OR7G2: variants seen among roughly 807,000 people sequenced by gnomAD.
The protein encoded by OR7G2 is olfactory receptor family 7 subfamily G member 2, also known as olfactory receptor 7G2.
For missense variants in OR7G2, 362 were observed against 384.0 expected (o/e 0.94, Z 0.48); for synonymous variants, 153 against 152.2 (o/e 1.01, Z -0.04).
Position 9,102,797 on chromosome 19 carries a change from CAG to C in OR7G2, c.445_446del (p.Leu149ValfsTer3). 1 of 1,613,866 alleles carries C rather than the reference CAG, an allele frequency of 6.2e-7. No homozygotes were observed. Among genetic ancestry groups the C allele is most frequent in the Non-Finnish European group, 8.5e-7 (1 of 1,179,870 alleles). On this transcript the variant is annotated frameshift_variant, in exon 2 of 2. Transcript: ENST00000641081. LOFTEE classifies it low-confidence loss of function (END_TRUNC). ...GAAGGGCATTCACAACACTAGTCAA[CAG>C]AGAGAGAAGAATCAGCAGGCCACAG... is the stretch of plus-strand genomic sequence containing the variant. The part of the protein sequence containing the change: ...RLCGLLILLS[L>X]LTSVVNALLL...
At chr19:9,106,677 C>T (rs1318364550) in intron 1 of OR7G2, among the ~76,000 whole-genome samples, 2 of 139,688 alleles carry the variant, frequency 1.4e-5, no homozygotes, top group East Asian at 4.2e-4. Context: ...GCGGAGGTTG[C>T]AGTGAGCCGA....
chr19:9,105,157 G>C (rs59412639), intron 1 of OR7G2, among the ~76,000 whole-genome samples: 2 of 151,796 alleles, frequency 1.3e-5, no homozygotes, highest in Non-Finnish European at 2.9e-5. Context: ...TTTTAGTAGA[G>C]ACGGGTTTCA....
Position 9,102,484 on chromosome 19 carries a change from C to T in OR7G2, c.760G>A (p.Ala254Thr), listed in dbSNP as rs114401331. Residue 254 changes from alanine to threonine, a missense_variant, in exon 2 of 2, where the codon GCA becomes ACA. Transcript: ENST00000641081. Reference sequence around the variant, plus strand: ...GAACTAATGTACACCCCCAAACCTGCCCCATAGAACAAGAGAACAATGGAG... The same window carrying T: ...GAACTAATGTACACCCCCAAACCTGTCCCATAGAACAAGAGAACAATGGAG... Reference protein sequence around the residue: ...HLSIVLLFYGAGLGVYISSVV... With the variant: ...HLSIVLLFYGTGLGVYISSVV... The T allele has an allele frequency of 3.7e-6, 6 of 1,613,936 alleles. No individual in the cohort carries two copies. The African/African-American group carries it at 6.7e-5, about 18-fold the overall frequency.
In OR7G2 at chr19:9,102,273, T is replaced by C. The variant is rs147482138; in HGVS notation, c.971A>G (p.Glu324Gly). The C allele has an allele frequency of 6.3e-5, 101 of 1,590,888 alleles. No homozygotes were observed. Among genetic ancestry groups the C allele is most frequent in the Non-Finnish European group, 8.6e-5 (100 of 1,169,168 alleles). Reference protein sequence around the residue: ...CAICFGFRFLE With the variant: ...CAICFGFRFLG ...CAGGAATCCTGTCACTTTGACTTAC[T>C]CTAGAAACCTGAATCCAAAGCAAAT... The change falls in exon 2 of 2, where the codon GAG (glutamate) becomes GGG (glycine). Residue 324 changes from glutamate (E) to glycine (G), a missense_variant. Glu to Gly is a moderately conservative substitution (Grantham distance 98, BLOSUM62 -2). Coordinates refer to ENST00000641081, the MANE Select transcript of OR7G2 (RefSeq NM_001005193.2).
chr19:9,102,164 T>G lies in OR7G2; in HGVS notation c.*105A>C. 1 of 1,048,366 alleles carries G rather than the reference T, an allele frequency of 9.5e-7. No individual in the cohort carries two copies. Among genetic ancestry groups the G allele is most frequent in the Non-Finnish European group, 1.4e-6 (1 of 726,796 alleles). 64.9% of individuals were successfully genotyped at this position (1,048,366 alleles called of 1,614,324 possible). On this transcript the variant is annotated 3_prime_UTR_variant, in exon 2 of 2. Transcript: ENST00000641081. ...TTGCAGTGAGCCGAGGTCGTGCCATTGCACTCCAGCCTGGGAGACAGAGAA... is the reference window on the plus strand; with the variant it reads ...TTGCAGTGAGCCGAGGTCGTGCCATGGCACTCCAGCCTGGGAGACAGAGAA...
intron 1 of OR7G2, among the ~76,000 whole-genome samples, chr19:9,105,438 T>A (rs1258227020): frequency 1.3e-5 from 2 of 152,176 alleles, no homozygotes; most frequent in Non-Finnish European, 2.9e-5. Context: ...TGGTTCAACA[T>A]ACAGAAATCA....
intron 1 of OR7G2, among the ~76,000 whole-genome samples, chr19:9,104,092 G>C (rs1351262971): frequency 6.6e-6 from 1 of 151,812 alleles, no homozygotes; most frequent in Non-Finnish European, 1.5e-5. Flanking sequence ...TCACCATGTA[G>C]GTCAGGCTGG....
chr19:9,106,276 TG>T (rs1249490103), intron 1 of OR7G2, among the ~76,000 whole-genome samples: 1 of 151,184 alleles, frequency 6.6e-6, no homozygotes, highest in Non-Finnish European at 1.5e-5. Flanking sequence ...AAAAATTAGC[TG>T]GGTGTGGTGG....
chr19:9,103,501 C>CTTTTTTTTTTTTTTTT (rs201971532), intron 1 of OR7G2, among the ~76,000 whole-genome samples: 1 of 119,076 alleles, frequency 8.4e-6, no homozygotes. Context: ...ATGTGGAAAT[C>CTTTTTTTTTTTTTTTT]TTTTTTTTTT....
At chr19:9,106,788 G>T (rs2050388942) in intron 1 of OR7G2, among the ~76,000 whole-genome samples, 1 of 148,784 alleles carries the variant, frequency 6.7e-6, no homozygotes, top group African/African-American at 2.5e-5. Context: ...TCATGTTTTT[G>T]ATTTTTTTTC....
At chr19:9,103,354 C>T in intron 1 of OR7G2, 95 bp from the exon 2 acceptor site, 3 of 1,223,244 alleles carry the variant, frequency 2.5e-6, no homozygotes, top group Non-Finnish European at 3.5e-6. Flanking sequence ...CCTCCCCAGA[C>T]TTCTTGCTGA....
chr19:9,103,088 G>C lies in OR7G2; in HGVS notation c.156C>G (p.Asp52Glu). ...AGTACATGGGGGTGTGGAGGTGAGAGTCAGAGATGACAGCCAAGAGGATGA... is the reference window on the plus strand; with the variant it reads ...AGTACATGGGGGTGTGGAGGTGAGACTCAGAGATGACAGCCAAGAGGATGA... ...NLLILLAVIS[D>E]SHLHTPMYFF... The change falls in exon 2 of 2, where the codon GAC becomes GAG. Residue 52 changes from aspartate to glutamate, a missense_variant. Coordinates refer to ENST00000641081, the MANE Select transcript of OR7G2 (RefSeq NM_001005193.2). 6.2e-7 allele frequency: 1 copy of C among 1,614,112 alleles called. No homozygotes were observed. Among genetic ancestry groups the C allele is most frequent in the Non-Finnish European group, 8.5e-7 (1 of 1,180,002 alleles).
Position 9,102,290 on chromosome 19 carries a change from A to C in OR7G2, c.954T>G (p.Phe318Leu), listed in dbSNP as rs2050358207. Residue 318 changes from phenylalanine to leucine, a missense_variant, in exon 2 of 2, where the codon TTT becomes TTG. Transcript: ENST00000641081. Reference protein sequence around the residue: ...IPSLLWCAICFGFRFLE With the variant: ...IPSLLWCAICLGFRFLE ...TGACTTACTCTAGAAACCTGAATCC[A>C]AAGCAAATGGCACACCACAGAAGAG... 6.2e-7 allele frequency: 1 copy of C among 1,604,524 alleles called. No individual in the cohort carries two copies. The highest frequency in any genetic ancestry group is 1.3e-5 in the African/African-American group (1 of 74,536).
rs1266283952 is a variant in OR7G2 at position 9,101,419 on chromosome 19, A to G, written c.*850T>C. On this transcript the variant is annotated 3_prime_UTR_variant, in exon 2 of 2. Coordinates refer to ENST00000641081, the MANE Select transcript of OR7G2 (RefSeq NM_001005193.2). ...TCTGAGACTAATCCATTAAAAAAAA[A>G]TCACTTAGCCAGGAGCGGTGGCTCA... 6.6e-6 allele frequency: 1 copy of G among 152,174 alleles called. No homozygotes were observed. Among genetic ancestry groups the G allele is most frequent in the African/African-American group, 2.4e-5 (1 of 41,432 alleles). 9.4% of individuals were successfully genotyped at this position (152,174 alleles called of 1,614,324 possible). A position where few individuals can be genotyped will look rare whatever the true frequency, so the allele number is the denominator to read the frequency against.
intron 1 of OR7G2, among the ~76,000 whole-genome samples, chr19:9,104,837 C>T (rs1157852827): frequency 6.6e-6 from 1 of 151,914 alleles, no homozygotes; most frequent in Non-Finnish European, 1.5e-5. Flanking sequence ...AAAAAACAAA[C>T]AAACAAATTT....
chr19:9,103,264 T>G lies in OR7G2; in HGVS notation c.-16-5A>C, dbSNP rs757151046. 6.2e-7 allele frequency: 1 copy of G among 1,613,894 alleles called. No homozygotes were observed. The highest frequency in any genetic ancestry group is 2.2e-5 in the East Asian group (1 of 44,862). On this transcript the variant is annotated splice_region_variant and splice_polypyrimidine_tract_variant and intron_variant, in intron 1 of 1. Coordinates refer to ENST00000641081, the MANE Select transcript of OR7G2 (RefSeq NM_001005193.2). ...TCCATGCTGTTGATGATGAATCTGA[T>G]GGAAAAGATAATAAAATCTGTAAGC...
At chr19:9,104,356 G>A (rs1478591244) in intron 1 of OR7G2, among the ~76,000 whole-genome samples, 1 of 152,112 alleles carries the variant, frequency 6.6e-6, no homozygotes, top group African/African-American at 2.4e-5. Context: ...GTCAGAGTTA[G>A]CATGCTAAAT....
chr19:9,106,859 A>C (rs2050389261), intron 1 of OR7G2, among the ~76,000 whole-genome samples: 1 of 151,376 alleles, frequency 6.6e-6, no homozygotes, highest in African/African-American at 2.4e-5. Flanking sequence ...ACCTTTCATT[A>C]TATTTGATAT....
Position 9,102,038 on chromosome 19 carries a change from A to G in OR7G2, c.*231T>C. ...GCCAACATGGTGAAACTCTATCTCTACTAAAAATACAAAAATTAGCCAGGC... is the reference window on the plus strand; with the variant it reads ...GCCAACATGGTGAAACTCTATCTCTGCTAAAAATACAAAAATTAGCCAGGC... On this transcript the variant is annotated 3_prime_UTR_variant, in exon 2 of 2. Coordinates refer to ENST00000641081, the MANE Select transcript of OR7G2 (RefSeq NM_001005193.2). 2.3e-6 allele frequency: 1 copy of G among 438,122 alleles called. No individual in the cohort carries two copies. Among genetic ancestry groups the G allele is most frequent in the Non-Finnish European group, 4.0e-6 (1 of 248,422 alleles). 27.1% of individuals were successfully genotyped at this position (438,122 alleles called of 1,614,324 possible).
Sources: gnomAD v4.1 joint callset for allele counts (sites outside exome capture counted in the v4.1 genomes callset) on GRCh38, gnomAD v4.1.1 for gene constraint, MANE v1.5 for transcripts, NCBI Gene and HGNC (gene_info 2026-07-23, HGNC 2026-07-21) for gene names.